The following STK33 variants were observed in gnomAD, a reference collection of about 807,000 sequenced individuals.
STK33 encodes the protein serine/threonine-protein kinase 33.
A neutral mutation model predicts 58.0 loss-of-function variants in STK33; 52 were observed. That is an observed-to-expected ratio of 0.90 (90% CI 0.72 to 1.13). The LOEUF (loss-of-function observed/expected upper bound fraction) is 1.13, where lower values mean the gene tolerates loss of function less well. Among genes scored for constraint, STK33 ranks in the 50% most tolerant of loss-of-function variants. STK33 has a pLI of 0.00. For missense variants in STK33, 630 were observed against 604.2 expected (o/e 1.04, Z -0.45); for synonymous variants, 215 against 200.1 (o/e 1.07, Z -0.63).
At chr11:8,339,659 G>A in the STK33 span, among the ~76,000 whole-genome samples, 1 of 150,850 alleles carries the variant, frequency 6.6e-6, no homozygotes, top group Non-Finnish European at 1.5e-5. Context: ...CAGCCACAGG[G>A]ACCAGCCCAG....
At chr11:8,571,204 T>C (rs555376600) in intron 1 of STK33, among the ~76,000 whole-genome samples, 1 of 152,256 alleles carries the variant, frequency 6.6e-6, no homozygotes, top group East Asian at 1.9e-4. Flanking sequence ...TGCAGGAGCA[T>C]GCACATGAGT....
chr11:8,410,659 G>T (rs913346455), intron 15 of STK33, among the ~76,000 whole-genome samples: 1 of 151,962 alleles, frequency 6.6e-6, no homozygotes, highest in African/African-American at 2.4e-5. Context: ...TTTTAGTAGA[G>T]ACAGGGTTTC....
At chr11:8,571,152 T>G (rs1201314747) in intron 1 of STK33, among the ~76,000 whole-genome samples, 1 of 152,052 alleles carries the variant, frequency 6.6e-6, no homozygotes. Context: ...CAGTTTAGCT[T>G]AGTTGAGGGT....
intron 1 of STK33, among the ~76,000 whole-genome samples, chr11:8,560,070 G>A (rs1024633150): frequency 4.0e-5 from 6 of 151,804 alleles, no homozygotes; most frequent in Non-Finnish European, 8.8e-5. Flanking sequence ...GCTTCCAAAT[G>A]GTTTCTATTA....
intron 1 of STK33, among the ~76,000 whole-genome samples, chr11:8,586,822 TAAAAAAAAA>T (rs56064924): frequency 1.3e-5 from 1 of 78,218 alleles, no homozygotes; most frequent in South Asian, 5.7e-4. Context: ...AGACTCTGTC[TAAAAAAAAA>T]AAAAAAAAAA....
chr11:8,488,919 G>A (rs1275276566), intron 1 of STK33, among the ~76,000 whole-genome samples: 1 of 152,126 alleles, frequency 6.6e-6, no homozygotes, highest in African/African-American at 2.4e-5. Context: ...GACTTTAAAT[G>A]AACCGTTTTA....
At chr11:8,340,493 A>C in the STK33 span, among the ~76,000 whole-genome samples, 1 of 152,352 alleles carries the variant, frequency 6.6e-6, no homozygotes, top group East Asian at 1.9e-4. Flanking sequence ...TCAGACCTTG[A>C]GCAAGACACT....
chr11:8,392,554 G>C lies in STK33; in HGVS notation c.1501C>G (p.Pro501Ala), dbSNP rs1198974528. ...TPSQGTATKY[P>A]AKSGALSRTK... ...CTGGACAGGGCGCCGGATTTAGCAG[G>C]GTACTTGGTTGCTGTTCCTTGGCTT... The change falls in exon 16 of 16, where the codon CCT becomes GCT. Residue 501 changes from proline (P) to alanine (A), a missense_variant. Coordinates refer to ENST00000687296, the MANE Select transcript of STK33 (RefSeq NM_001352389.2). The C allele has an allele frequency of 1.9e-6, 3 of 1,613,644 alleles. No homozygotes were observed. The highest frequency in any genetic ancestry group is 2.5e-6 in the Non-Finnish European group (3 of 1,179,810).
chr11:8,445,304 A>G (rs1165612202), intron 11 of STK33, among the ~76,000 whole-genome samples: 1 of 152,198 alleles, frequency 6.6e-6, no homozygotes, highest in African/African-American at 2.4e-5. Context: ...TTTTCTAGAT[A>G]TACAATCATG....
intron 1 of STK33, among the ~76,000 whole-genome samples, chr11:8,507,261 C>G (rs1017807410): frequency 6.6e-6 from 1 of 152,158 alleles, no homozygotes; most frequent in African/African-American, 2.4e-5. Context: ...GTTCTTTCTA[C>G]GATACCCAAA....
At chr11:8,394,280 T>C (rs115868582) in intron 15 of STK33, among the ~76,000 whole-genome samples, 225 of 152,326 alleles carry the variant, frequency 1.5e-3, no homozygotes, top group African/African-American at 5.3e-3. Context: ...CTTTGTTTAG[T>C]ACAGTGCTGG....
intron 1 of STK33, among the ~76,000 whole-genome samples, chr11:8,527,282 T>C (rs1043564333): frequency 1.3e-5 from 2 of 152,106 alleles, no homozygotes; most frequent in Non-Finnish European, 2.9e-5. Flanking sequence ...AGCCAAATTC[T>C]AAAAGATAGA....
intron 1 of STK33, among the ~76,000 whole-genome samples, chr11:8,583,926 A>G (rs957304668): frequency 2.6e-5 from 4 of 152,184 alleles, no homozygotes; most frequent in Non-Finnish European, 4.4e-5. Context: ...ATGGCTTATT[A>G]ATAACATTCA....
chr11:8,358,572 T>C, the STK33 span, among the ~76,000 whole-genome samples: 1 of 152,050 alleles, frequency 6.6e-6, no homozygotes, highest in Non-Finnish European at 1.5e-5. Flanking sequence ...GAAGAGATGG[T>C]TGTAGAGGTC....
intron 12 of STK33, among the ~76,000 whole-genome samples, chr11:8,436,810 G>A (rs1039209850): frequency 2.6e-5 from 4 of 152,248 alleles, no homozygotes; most frequent in African/African-American, 9.6e-5. Context: ...TCATTTTCCT[G>A]CCTCAGCCTC....
chr11:8,473,532 T>G (rs906898348), intron 5 of STK33, among the ~76,000 whole-genome samples: 2 of 152,146 alleles, frequency 1.3e-5, no homozygotes, highest in African/African-American at 4.8e-5. Context: ...GCATAGCAGA[T>G]TCATCAAAGC....
At chr11:8,445,873 A>G (rs1945384254) in intron 11 of STK33, among the ~76,000 whole-genome samples, 2 of 152,204 alleles carry the variant, frequency 1.3e-5, no homozygotes, top group Admixed American at 1.3e-4. Context: ...AGGTTTTGGT[A>G]TCAGGATGAT....
At position 8,500,413 on chromosome 11, in the gene STK33, G is replaced by C. The variant is rs536541043; in HGVS notation, c.-465-19799C>G. On this transcript the variant is annotated intron_variant, in intron 1 of 15. Coordinates refer to ENST00000687296, the MANE Select transcript of STK33 (RefSeq NM_001352389.2). ...TAGAAGATCAATATATAAAAAATCA[G>C]TTGTAGTTCTACACATTCACAATGA... is the stretch of plus-strand genomic sequence containing the variant. Among the ~76,000 whole-genome samples the C allele has an allele frequency of 3.3e-5, 5 of 152,048 alleles. No homozygotes were observed. The Middle Eastern group carries it at 0.01, about 310-fold the overall frequency.
intron 1 of STK33, among the ~76,000 whole-genome samples, chr11:8,535,982 G>A (rs1216932105): frequency 2.0e-5 from 3 of 152,186 alleles, no homozygotes; most frequent in African/African-American, 7.2e-5. Flanking sequence ...ATTATCTTAA[G>A]TGAAATAAGC....
Sources: allele counts gnomAD v4.1 joint callset (sites outside exome capture counted in the v4.1 genomes callset), GRCh38; gene constraint gnomAD v4.1.1; transcripts MANE v1.5; gene names NCBI Gene and HGNC (gene_info 2026-07-23, HGNC 2026-07-21).